The following DCTN1 variants were observed in gnomAD, a reference collection of about 807,000 sequenced individuals.
DCTN1 encodes dynactin subunit 1, also known as 150 kDa dynein-associated polypeptide.
A neutral mutation model predicts 161.2 loss-of-function variants in DCTN1; 61 were observed. The ratio of observed to expected loss-of-function variants is 0.38; its 90% CI spans 0.31 to 0.47. DCTN1 has a LOEUF of 0.47. Ranked by LOEUF, DCTN1 falls within the 20% of genes least tolerant of loss-of-function variation. The probability of loss-of-function intolerance (pLI) is 0.99; values close to 1 mark genes in which losing one functional copy is unlikely to be tolerated. For synonymous variants in DCTN1, 653 were observed against 632.4 expected (o/e 1.03, Z -0.49); for missense variants, 1,404 against 1,623.7 (o/e 0.86, Z 2.33).
At chr2:74,390,902 C>T (rs1229356721) in intron 1 of DCTN1, among the ~76,000 whole-genome samples, 1 of 152,118 alleles carries the variant, frequency 6.6e-6, no homozygotes, top group South Asian at 2.1e-4. Context: ...GAGGCATCAC[C>T]CAAGAATAAC....
chr2:74,361,698 G>A, intron 31 of DCTN1, 62 bp from the exon 32 acceptor site: 1 of 1,609,890 alleles, frequency 6.2e-7, no homozygotes, highest in Non-Finnish European at 8.5e-7. Context: ...GTGGGCCACT[G>A]AAGGGGTCCC....
In DCTN1 at chr2:74,369,381, C is replaced by T. The variant is rs1674661140; in HGVS notation, c.1503G>A (p.Lys501=). 6.2e-7 allele frequency: 1 copy of T among 1,614,210 alleles called. No homozygotes were observed. Among genetic ancestry groups the T allele is most frequent in the East Asian group, 2.2e-5 (1 of 44,874 alleles). ...MAGARVREAQ[K]RVEAAQETVA... ...CCGTCTCCTGGGCTGCCTCCACACG[C>T]TTCTGGGCCTCACGAACCCGCGCGC... The change falls in exon 14 of 32, where the codon AAG becomes AAA. Residue 501 remains lysine (K), a synonymous_variant. Coordinates refer to ENST00000628224, the MANE Select transcript of DCTN1 (RefSeq NM_004082.5). This position sits in a 1 kb window ranked among gnomAD's most constrained non-coding sequence, Gnocchi z 4.9.
At position 74,363,740 on chromosome 2, in the gene DCTN1, C is replaced by G. The variant is rs537351881; in HGVS notation, c.3197-112G>C. 45 of 1,374,004 alleles carry G rather than the reference C, an allele frequency of 3.3e-5. No individual in the cohort carries two copies. The South Asian group carries it at 4.2e-4, about 13-fold the overall frequency. The allele number at this position is 1,374,004 out of a possible 1,614,324, so 85.1% of individuals were successfully genotyped here. On this transcript the variant is annotated intron_variant, in intron 26 of 31. Transcript: ENST00000628224. ...TCCTGGACACAACCTGCAGGAAAAC[C>G]CTTTTCCTAATCATCATACTTTCTC... is the stretch of plus-strand genomic sequence containing the variant.
intron 1 of DCTN1, among the ~76,000 whole-genome samples, chr2:74,387,676 C>T (rs1160349433): frequency 6.6e-6 from 1 of 152,182 alleles, no homozygotes; most frequent in Non-Finnish European, 1.5e-5. Context: ...TTCATCCTGT[C>T]CTCTCTATCC....
In DCTN1 at chr2:74,365,152, T is replaced by G. The variant is rs1674310595; in HGVS notation, c.3119A>C (p.Gln1040Pro). ...GAGTCCCTCAATCGTGCGTTTGGACTGGCTGTTCAGACGCTGCTTTAGTTC... is the reference window on the plus strand; with the variant it reads ...GAGTCCCTCAATCGTGCGTTTGGACGGGCTGTTCAGACGCTGCTTTAGTTC... ...KAELKQRLNS[Q>P]SKRTIEGLRG... The change falls in exon 26 of 32, where the codon CAG (glutamine) becomes CCG (proline). Residue 1040 changes from glutamine to proline, a missense_variant. Gln to Pro is a moderately conservative substitution (Grantham distance 76, BLOSUM62 -1). Transcript: ENST00000628224. 6.2e-7 allele frequency: 1 copy of G among 1,614,198 alleles called. No homozygotes were observed. The highest frequency in any genetic ancestry group is 8.5e-7 in the Non-Finnish European group (1 of 1,180,036).
rs760282295 is a variant in DCTN1, at chr2:74,363,082, C to T, written c.3441G>A (p.Ala1147=). ...GCAGCTGGCTGGTCTTACGATACAGCGCTCCAGCTGGTAACTCACTGCCAG... is the reference window on the plus strand; with the variant it reads ...GCAGCTGGCTGGTCTTACGATACAGTGCTCCAGCTGGTAACTCACTGCCAG... ...EGPGSELPAG[A]LYRKTSQLLE... Residue 1147 remains alanine, a synonymous_variant, in exon 29 of 32, where the codon GCG becomes GCA. Transcript: ENST00000628224. 1.2e-5 allele frequency: 19 copies of T among 1,613,584 alleles called. No individual in the cohort carries two copies. The highest frequency in any genetic ancestry group is 6.7e-5 in the African/African-American group (5 of 74,904).
intron 5 of DCTN1, 59 bp from the exon 6 acceptor site, chr2:74,374,399 G>A: frequency 6.2e-7 from 1 of 1,611,104 alleles, no homozygotes; most frequent in Non-Finnish European, 8.5e-7. Flanking sequence ...AGGGACAGAG[G>A]AGGATAGACA....
intron 8 of DCTN1, 164 bp downstream of exon 8, chr2:74,371,373 G>C: frequency 7.6e-7 from 1 of 1,314,144 alleles, no homozygotes; most frequent in Non-Finnish European, 1.1e-6. Context: ...GGCAAGAAAG[G>C]AAAGGATGGC....
chr2:74,369,875 C>T lies in DCTN1; in HGVS notation c.1392+90G>A, dbSNP rs900523381. ...TAGCAAGCCCAGGCTGGGTCCCTCACCGCACACCCTGCTCAAAGGCCAAGG... is the reference window on the plus strand; with the variant it reads ...TAGCAAGCCCAGGCTGGGTCCCTCATCGCACACCCTGCTCAAAGGCCAAGG... On this transcript the variant is annotated intron_variant, in intron 13 of 31. Transcript: ENST00000628224. The surrounding 1 kb of genome is among the most constrained non-coding windows in gnomAD (Gnocchi z 4.9). 4 of 1,346,236 alleles carry T rather than the reference C, an allele frequency of 3.0e-6. No individual in the cohort carries two copies. The highest frequency in any genetic ancestry group is 1.4e-5 in the African/African-American group (1 of 70,002). 83.4% of individuals were successfully genotyped at this position (1,346,236 alleles called of 1,614,324 possible).
intron 30 of DCTN1, 92 bp downstream of exon 30, chr2:74,362,558 T>C (rs1402940919): frequency 1.5e-6 from 2 of 1,363,544 alleles, no homozygotes; most frequent in African/African-American, 2.9e-5. Context: ...AATTGCTGTC[T>C]AGCACAGGGC....
intron 30 of DCTN1, 91 bp downstream of exon 30, chr2:74,362,559 A>T (rs1409320344): frequency 1.5e-6 from 2 of 1,373,704 alleles, no homozygotes; most frequent in African/African-American, 2.9e-5. Context: ...ATTGCTGTCT[A>T]GCACAGGGCT....
In DCTN1 at chr2:74,369,610, CGA is replaced by C; in HGVS notation, c.1393-121_1393-120del. 1 of 1,036,120 alleles carries C rather than the reference CGA, an allele frequency of 9.7e-7. No homozygotes were observed. The highest frequency in any genetic ancestry group is 2.4e-5 in the East Asian group (1 of 42,312). 64.2% of individuals were successfully genotyped at this position (1,036,120 alleles called of 1,614,324 possible). On this transcript the variant is annotated intron_variant, in intron 13 of 31. Coordinates refer to ENST00000628224, the MANE Select transcript of DCTN1 (RefSeq NM_004082.5). The surrounding 1 kb of genome is among the most constrained non-coding windows in gnomAD (Gnocchi z 4.9). ...AGCAGGCGGATCATGAGGTCGAGAT[CGA>C]GATCATGCTGGCCAACATGGTGAAA...
At chr2:74,368,210 C>T in intron 16 of DCTN1, 79 bp from the exon 17 acceptor site, 1 of 1,534,150 alleles carries the variant, frequency 6.5e-7, no homozygotes. Context: ...GTACTCAGAG[C>T]TTAACTATGT....
upstream of DCTN1, among the ~76,000 whole-genome samples, chr2:74,382,115 T>C (rs1257608116): frequency 6.6e-6 from 1 of 152,180 alleles, no homozygotes; most frequent in East Asian, 1.9e-4. Flanking sequence ...GGCCCTGCTC[T>C]TCCTGTAGGC....
At chr2:74,377,004 G>A (rs1291385170) in intron 4 of DCTN1, among the ~76,000 whole-genome samples, 1 of 152,200 alleles carries the variant, frequency 6.6e-6, no homozygotes, top group Non-Finnish European at 1.5e-5. Context: ...AGCACTCTCT[G>A]CATCCAGCTT....
rs1182597936 is a variant in DCTN1 at position 74,361,640 on chromosome 2, G to A, written c.3700-4C>T. On this transcript the variant is annotated splice_polypyrimidine_tract_variant and splice_region_variant and intron_variant, in intron 31 of 31. Transcript: ENST00000628224. The stretch of plus-strand genomic sequence containing the variant: ...CATCCTGCTGCTCCTCCTTGGCCTG[G>A]TGGTTGATGAGGAGAAAAAGACTCC... The A allele has an allele frequency of 6.2e-7, 1 of 1,614,142 alleles. No individual in the cohort carries two copies. The highest frequency in any genetic ancestry group is 2.2e-5 in the East Asian group (1 of 44,876).
chr2:74,375,731 C>A (rs1408371248), intron 5 of DCTN1, among the ~76,000 whole-genome samples: 22 of 152,188 alleles, frequency 1.4e-4, no homozygotes, highest in Admixed American at 1.4e-3. Context: ...GGATCCTTCA[C>A]AGCATTATTT....
rs762313810 is a variant in DCTN1 at position 74,377,737 on chromosome 2, A to ATTCAATATAGCCAGATCAATAGT, written c.280-34_280-12dup. ...TTCAAATACCTGGATCTGAGGCCAG[A>ATTCAATATAGCCAGATCAATAGT]TTCAATATAGCCAGATCAATAGTTT... On this transcript the variant is annotated splice_polypyrimidine_tract_variant and intron_variant, in intron 2 of 31. Coordinates refer to ENST00000628224, the MANE Select transcript of DCTN1 (RefSeq NM_004082.5). The ATTCAATATAGCCAGATCAATAGT allele has an allele frequency of 1.2e-4, 188 of 1,610,178 alleles. No homozygotes were observed. The African/African-American group carries it at 2.3e-3, about 20-fold the overall frequency.
intron 5 of DCTN1, chr2:74,374,604 C>T: frequency 7.9e-7 from 1 of 1,268,468 alleles, no homozygotes. Context: ...GATCGCCAGG[C>T]TCCGGCAGGC....
Sources: allele counts gnomAD v4.1 joint callset (sites outside exome capture counted in the v4.1 genomes callset), GRCh38; gene constraint gnomAD v4.1.1; non-coding constraint Gnocchi (gnomAD v3.1); transcripts MANE v1.5; gene names NCBI Gene and HGNC (gene_info 2026-07-23, HGNC 2026-07-21).